Variants in SHB observed in about 807,000 individuals in gnomAD.
The protein encoded by SHB is SH2 domain containing adaptor protein B.
SHB carries 20 observed loss-of-function variants against 52.3 expected under a neutral mutation model. The ratio of observed to expected loss-of-function variants is 0.38; its 90% confidence interval spans 0.27 to 0.56. The LOEUF (loss-of-function observed/expected upper bound fraction) is 0.56. SHB is among the 20% of genes least tolerant of loss of function. The probability of loss-of-function intolerance (pLI) is 0.71; values close to 1 mark genes in which losing one functional copy is unlikely to be tolerated. For synonymous variants in SHB, 397 were observed against 316.5 expected, an observed-to-expected ratio of 1.25 and a Z score of -2.70; for missense variants, 825 against 723.3, an observed-to-expected ratio of 1.14 and a Z score of -1.61.
intron 1 of SHB, among the ~76,000 whole-genome samples, chr9:38,023,909 A>G (rs78883909): frequency 0.021 from 3,256 of 152,316 alleles, 38 homozygotes; most frequent in Non-Finnish European, 0.032. Flanking sequence ...TCCTGTCCTC[A>G]GCTTTGACTA....
Position 37,919,472 on chromosome 9 carries a change from G to C in SHB, c.*349C>G, listed in dbSNP as rs1832147482. ...TGAGACAGCTGGAGAACAAAGAGAT[G>C]TCAGCCAGGGAGCTCCCGCCCCACC... is the stretch of plus-strand genomic sequence containing the variant. On this transcript the variant is annotated 3_prime_UTR_variant, in exon 6 of 6. Coordinates refer to ENST00000377707, the MANE Select transcript of SHB (RefSeq NM_003028.3). The C allele has an allele frequency of 5.1e-6, 1 of 197,870 alleles. No homozygotes were observed. 12.3% of individuals were successfully genotyped at this position (197,870 alleles called of 1,614,324 possible). A position where few individuals can be genotyped will look rare whatever the true frequency, so the allele number is the denominator to read the frequency against.
At chr9:37,952,059 C>T (rs967677277) in intron 4 of SHB, among the ~76,000 whole-genome samples, 6 of 152,208 alleles carry the variant, frequency 3.9e-5, no homozygotes, top group Admixed American at 3.3e-4. Context: ...TCGTCCTTCA[C>T]CCCAGCCAAT....
rs543030569 is a variant in SHB at position 38,026,266 on chromosome 9, C to G, written c.718-10135G>C. 5.9e-5 allele frequency among the ~76,000 whole-genome samples: 9 copies of G among 152,370 alleles called. No individual in the cohort carries two copies. In the South Asian group the frequency reaches 1.9e-3, roughly 32 times the overall value. On this transcript the variant is annotated intron_variant, in intron 1 of 5. Transcript: ENST00000377707. The stretch of plus-strand genomic sequence containing the variant: ...AGGCCCGGGAGTCACCAAGTGCACC[C>G]TCTCTCTCGTGTGTGCTTCCTGTGC...
chr9:37,954,027 C>G (rs1481328206), intron 4 of SHB, among the ~76,000 whole-genome samples: 1 of 152,146 alleles, frequency 6.6e-6, no homozygotes, highest in African/African-American at 2.4e-5. Flanking sequence ...AGTGGGCAGG[C>G]TGGGCCCAGA....
intron 1 of SHB, among the ~76,000 whole-genome samples, chr9:38,039,602 A>G (rs1260832862): frequency 6.6e-6 from 1 of 152,256 alleles, no homozygotes; most frequent in Non-Finnish European, 1.5e-5. Flanking sequence ...TTACAAAGCC[A>G]CGACAAGGTC....
chr9:37,944,548 G>A (rs552586636), intron 5 of SHB, among the ~76,000 whole-genome samples: 1 of 152,276 alleles, frequency 6.6e-6, no homozygotes, highest in South Asian at 2.1e-4. Flanking sequence ...GGAGTCCCAT[G>A]GCCTCCACTC....
Position 37,918,568 on chromosome 9 carries a change from G to A in SHB, c.*1253C>T, listed in dbSNP as rs1359304206. 6.6e-6 allele frequency among the ~76,000 whole-genome samples: 1 copy of A among 151,992 alleles called. No homozygotes were observed. The highest frequency in any genetic ancestry group is 2.4e-5 in the African/African-American group (1 of 41,346). On this transcript the variant is annotated 3_prime_UTR_variant, in exon 6 of 6. Coordinates refer to ENST00000377707, the MANE Select transcript of SHB (RefSeq NM_003028.3). ...GACCACTGAGGGCTCTATGTCCCTG[G>A]GAGGTCAGGATTCTCCCTCCTCCAT...
At chr9:37,962,812 C>G (rs1473776254) in intron 3 of SHB, among the ~76,000 whole-genome samples, 1 of 152,160 alleles carries the variant, frequency 6.6e-6, no homozygotes, top group African/African-American at 2.4e-5. Context: ...TATGCCTGGC[C>G]TAGCTTACTC....
At chr9:38,009,258 A>G (rs55803257) in intron 2 of SHB, among the ~76,000 whole-genome samples, 35,582 of 152,180 alleles carry the variant, frequency 0.23, 4,669 homozygotes, top group Middle Eastern at 0.36. Context: ...AGCAGCATGC[A>G]TGCTTTTGGG....
intron 2 of SHB, among the ~76,000 whole-genome samples, chr9:38,002,849 G>A (rs1476062379): frequency 1.3e-5 from 2 of 152,174 alleles, no homozygotes; most frequent in African/African-American, 4.8e-5. Flanking sequence ...GGTGGAGACC[G>A]TGAGTTTTAA....
At chr9:38,038,188 C>T (rs1248355536) in intron 1 of SHB, among the ~76,000 whole-genome samples, 1 of 152,004 alleles carries the variant, frequency 6.6e-6, no homozygotes, top group Non-Finnish European at 1.5e-5. Flanking sequence ...CAGGCCAGAG[C>T]TCAGCAGCAC....
At position 37,982,973 on chromosome 9, in the gene SHB, G is replaced by GC. The variant is rs58267859; in HGVS notation, c.839-8137dup. The stretch of plus-strand genomic sequence containing the variant: ...AAGGAAATCAGCAGGCCTCTCTGGT[G>GC]CCCCCCCCTCCATCTTTTCCAGCTG... On this transcript the variant is annotated intron_variant, in intron 2 of 5. Coordinates refer to ENST00000377707, the MANE Select transcript of SHB (RefSeq NM_003028.3). 8.1e-3 allele frequency among the ~76,000 whole-genome samples: 1,176 copies of GC among 145,294 alleles called. 32 individuals are homozygous for GC. The highest frequency in any genetic ancestry group is 0.017 in the African/African-American group (655 of 38,194).
At chr9:38,003,037 G>T (rs944356665) in intron 2 of SHB, among the ~76,000 whole-genome samples, 1 of 152,208 alleles carries the variant, frequency 6.6e-6, no homozygotes, top group East Asian at 1.9e-4. Context: ...GGGTAAACAG[G>T]CTGGGCTATT....
intron 5 of SHB, among the ~76,000 whole-genome samples, chr9:37,925,303 T>C (rs1419089847): frequency 6.6e-6 from 1 of 152,224 alleles, no homozygotes; most frequent in South Asian, 2.1e-4. Context: ...TGAGGCTGGA[T>C]ACAGTGGATG....
chr9:37,923,533 G>A (rs937824232), intron 5 of SHB, among the ~76,000 whole-genome samples: 2 of 152,176 alleles, frequency 1.3e-5, no homozygotes, highest in Non-Finnish European at 2.9e-5. Flanking sequence ...CACACAGCCA[G>A]GAGACATGCT....
intron 2 of SHB, among the ~76,000 whole-genome samples, chr9:37,975,644 TA>T (rs1294887499): frequency 3.9e-5 from 6 of 152,228 alleles, no homozygotes; most frequent in Admixed American, 3.3e-4. Context: ...GCTAGGATGC[TA>T]AAATCAGGCA....
chr9:38,054,755 A>G (rs1821793474), intron 1 of SHB, among the ~76,000 whole-genome samples: 1 of 152,234 alleles, frequency 6.6e-6, no homozygotes, highest in African/African-American at 2.4e-5. Flanking sequence ...ACAGTAGTAG[A>G]ATCTACAAAG....
Position 37,927,898 on chromosome 9 carries a change from G to A in SHB, c.1347-7894C>T, listed in dbSNP as rs185514190. ...GAAATGCTGCCAAAGCTTCAGGAAA[G>A]GGAAACAGGGTCTAGGGCTTCTTTC... On this transcript the variant is annotated intron_variant, in intron 5 of 5. Coordinates refer to ENST00000377707, the MANE Select transcript of SHB (RefSeq NM_003028.3). Among the ~76,000 whole-genome samples the A allele has an allele frequency of 3.9e-4, 59 of 152,238 alleles. 2 individuals carry two copies. The East Asian group carries it at 0.011, about 27-fold the overall frequency.
intron 3 of SHB, among the ~76,000 whole-genome samples, chr9:37,960,395 C>T (rs1271867351): frequency 6.6e-6 from 1 of 152,156 alleles, no homozygotes; most frequent in African/African-American, 2.4e-5. Flanking sequence ...ATGCTACCCC[C>T]GTGAGTCATT....
Sources: gnomAD v4.1 joint callset for allele counts (sites outside exome capture counted in the v4.1 genomes callset) on GRCh38, gnomAD v4.1.1 for gene constraint, MANE v1.5 for transcripts, NCBI Gene and HGNC (gene_info 2026-07-23, HGNC 2026-07-21) for gene names.